The following BNC1 variants were observed in gnomAD, a reference collection of about 807,000 sequenced individuals.
BNC1 encodes the protein zinc finger protein basonuclin-1.
In BNC1, 8 loss-of-function variants were observed where a neutral mutation model predicts 66.5. The observed-to-expected ratio is 0.12, with a 90% CI of 0.07 to 0.22. BNC1 has a LOEUF of 0.22. Ranked by LOEUF, BNC1 falls within the 10% of genes least tolerant of loss-of-function variation. The pLI is 1.00. For missense variants in BNC1, 1,069 were observed against 1,241.3 expected, an observed-to-expected ratio of 0.86 and a Z score of 2.09; for synonymous variants, 454 against 452.6, an observed-to-expected ratio of 1.00 and a Z score of -0.04.
At chr15:83,262,143 G>A (rs1206143552) in intron 4 of BNC1, among the ~76,000 whole-genome samples, 2 of 151,026 alleles carry the variant, frequency 1.3e-5, no homozygotes, top group South Asian at 4.2e-4. Context: ...TGCCTCTCGG[G>A]TTCAAACGTT....
At chr15:83,281,819 T>C (rs1174722682) in intron 1 of BNC1, among the ~76,000 whole-genome samples, 1 of 152,258 alleles carries the variant, frequency 6.6e-6, no homozygotes, top group Non-Finnish European at 1.5e-5. Context: ...GGGAAACCTG[T>C]ATGGCTTTTC....
intron 4 of BNC1, among the ~76,000 whole-genome samples, chr15:83,260,911 T>A (rs562078568): frequency 6.6e-6 from 1 of 152,336 alleles, no homozygotes; most frequent in South Asian, 2.1e-4. Context: ...CTAGGTAAAA[T>A]GCATTTCAAG....
chr15:83,258,233 A>G (rs1361065633), intron 4 of BNC1, 107 bp from the exon 5 acceptor site: 1 of 1,174,646 alleles, frequency 8.5e-7, no homozygotes, highest in Non-Finnish European at 1.2e-6. Context: ...GTGGTATGGG[A>G]GCACCGATGA....
At position 83,263,039 on chromosome 15, in the gene BNC1, G is replaced by C. The variant is rs1221463112; in HGVS notation, c.2212C>G (p.His738Asp). 6.2e-7 allele frequency: 1 copy of C among 1,614,100 alleles called. No homozygotes were observed. The highest frequency in any genetic ancestry group is 8.5e-7 in the Non-Finnish European group (1 of 1,180,040). The change falls in exon 4 of 5, where the codon CAT (histidine) becomes GAT (aspartate). Residue 738 changes from histidine (H) to aspartate (D), a missense_variant. His to Asp is a moderately conservative substitution (Grantham distance 81). Transcript: ENST00000345382. ...TCTTTGACATGCATATTCTTGTGATGAATTTTCACACTACAAGCATTTTTA... is the reference window on the plus strand; with the variant it reads ...TCTTTGACATGCATATTCTTGTGATCAATTTTCACACTACAAGCATTTTTA... Reference protein sequence around the residue: ...TFKNACSVKIHHKNMHVKEMH... With the variant: ...TFKNACSVKIDHKNMHVKEMH...
In BNC1 at chr15:83,264,278, A is replaced by G. The variant is rs2038188678; in HGVS notation, c.973T>C (p.Ser325Pro). The G allele has an allele frequency of 6.2e-7, 1 of 1,614,104 alleles. No homozygotes were observed. ...TCAAACTTAGTGACAATGTTGTATG[A>G]GCTGGAGTCACTTAAATGGGTGCTG... ...EDSTHLSDSS[S>P]YNIVTKFERT... The change falls in exon 4 of 5, where the codon TCA becomes CCA. Residue 325 changes from serine (S) to proline (P), a missense_variant. Physicochemically the swap from Ser to Pro is moderately conservative, Grantham distance 74 (BLOSUM62 -1). Coordinates refer to ENST00000345382, the MANE Select transcript of BNC1 (RefSeq NM_001717.4).
intron 4 of BNC1, among the ~76,000 whole-genome samples, chr15:83,262,712 AT>A (rs1207807532): frequency 3.9e-5 from 6 of 152,184 alleles, no homozygotes; most frequent in Non-Finnish European, 5.9e-5. Context: ...GAATGTTGAA[AT>A]ATGAAAATTC....
chr15:83,266,755 G>C lies in BNC1; in HGVS notation c.435+81C>G, dbSNP rs941292543. ...ATGGCCACCAAGGGCTGTAGCATTG[G>C]GAGGTAACTGGGTTACGTCAGTTAT... On this transcript the variant is annotated intron_variant, in intron 3 of 4. Coordinates refer to ENST00000345382, the MANE Select transcript of BNC1 (RefSeq NM_001717.4). 5.8e-6 allele frequency: 7 copies of C among 1,208,706 alleles called. No homozygotes were observed. In the African/African-American group the frequency reaches 1.0e-4, roughly 18 times the overall value. 74.9% of individuals were successfully genotyped at this position (1,208,706 alleles called of 1,614,324 possible).
In BNC1 at chr15:83,264,789, G is replaced by A. The variant is rs764457363; in HGVS notation, c.462C>T (p.His154=). The change falls in exon 4 of 5, where the codon CAC becomes CAT. Residue 154 remains histidine, a synonymous_variant. Transcript: ENST00000345382. ...LQDASGKVLD[H]WSIMTSEEEV... ...CTTCCTCACTGGTCATGATGCTCCA[G>A]TGATCCAACACCTTTCCTGATGCAT... 6.2e-7 allele frequency: 1 copy of A among 1,613,948 alleles called. No homozygotes were observed. Among genetic ancestry groups the A allele is most frequent in the African/African-American group, 1.3e-5 (1 of 74,920 alleles).
At chr15:83,284,490 C>T in intron 1 of BNC1, 40 bp downstream of exon 1, 1 of 1,184,774 alleles carries the variant, frequency 8.4e-7, no homozygotes, top group Non-Finnish European at 1.1e-6. Context: ...CTGCTCCGCG[C>T]ACAGAGAATC....
intron 1 of BNC1, among the ~76,000 whole-genome samples, chr15:83,276,481 T>C (rs2038325073): frequency 6.6e-6 from 1 of 152,234 alleles, no homozygotes; most frequent in East Asian, 1.9e-4. Flanking sequence ...TGATTATTAA[T>C]CTTTTTCCCC....
At position 83,264,057 on chromosome 15, in the gene BNC1, G is replaced by C; in HGVS notation, c.1194C>G (p.Ser398=). 1 of 1,614,176 alleles carries C rather than the reference G, an allele frequency of 6.2e-7. No individual in the cohort carries two copies. Among genetic ancestry groups the C allele is most frequent in the South Asian group, 1.1e-5 (1 of 91,072 alleles). The change falls in exon 4 of 5, where the codon TCC becomes TCG. Residue 398 remains serine (S), a synonymous_variant. Coordinates refer to ENST00000345382, the MANE Select transcript of BNC1 (RefSeq NM_001717.4). ...TIEGCNMVFS[S]LRSRNRHSAN... is the part of the protein sequence containing the mutation. ...CGCTATGGCGATTCCGGCTCCTTAGGGAGCTGAACACCATGTTACACCCTT... is the reference window on the plus strand; with the variant it reads ...CGCTATGGCGATTCCGGCTCCTTAGCGAGCTGAACACCATGTTACACCCTT...
At chr15:83,276,111 T>G (rs2038320257) in intron 1 of BNC1, among the ~76,000 whole-genome samples, 2 of 152,130 alleles carry the variant, frequency 1.3e-5, no homozygotes, top group Admixed American at 1.3e-4. Flanking sequence ...GCTGGAAACC[T>G]ACTCCTGCCT....
At chr15:83,284,054 G>A (rs2038414792) in intron 1 of BNC1, among the ~76,000 whole-genome samples, 1 of 151,532 alleles carries the variant, frequency 6.6e-6, no homozygotes, top group South Asian at 2.1e-4. Context: ...CGGAGAGAAA[G>A]ACGGCCAGTG....
chr15:83,283,736 G>A (rs575879400), intron 1 of BNC1, among the ~76,000 whole-genome samples: 3 of 152,328 alleles, frequency 2.0e-5, no homozygotes, highest in African/African-American at 4.8e-5. Context: ...CTGAAAGACG[G>A]GCCACCTCGC....
chr15:83,283,446 C>G, intron 1 of BNC1: 1 of 1,231,464 alleles, frequency 8.1e-7, no homozygotes, highest in Non-Finnish European at 1.0e-6. Flanking sequence ...CGGCTCCCAG[C>G]ACGGAACCGA....
chr15:83,284,010 T>C (rs2038414215), intron 1 of BNC1, among the ~76,000 whole-genome samples: 2 of 151,620 alleles, frequency 1.3e-5, no homozygotes, highest in African/African-American at 4.9e-5. Context: ...GACCGGAGGC[T>C]GCCGCGCGCC....
chr15:83,263,513 A>C lies in BNC1; in HGVS notation c.1738T>G (p.Cys580Gly), dbSNP rs759185971. 1.2e-6 allele frequency: 2 copies of C among 1,614,274 alleles called. No individual in the cohort carries two copies. Among genetic ancestry groups the C allele is most frequent in the Admixed American group, 1.7e-5 (1 of 60,038 alleles). The change falls in exon 4 of 5, where the codon TGC becomes GGC. Residue 580 changes from cysteine to glycine, a missense_variant. Cys to Gly is a radical substitution (Grantham distance 159, BLOSUM62 -3). Around this residue, in one of 7 missense-constraint regions of BNC1, gnomAD observed 657 missense variants for 715.8 expected, o/e 0.92. Transcript: ENST00000345382. Reference protein sequence around the residue: ...QVVSEDEQEACSPQSHRVSEE... With the variant: ...QVVSEDEQEAGSPQSHRVSEE... Reference sequence around the variant, plus strand: ...GATACTCTGTGTGACTGAGGACTGCAGGCCTCCTGCTCATCTTCACTGACC... The same window carrying C: ...GATACTCTGTGTGACTGAGGACTGCCGGCCTCCTGCTCATCTTCACTGACC...
chr15:83,283,384 G>T, intron 1 of BNC1: 2 of 1,354,900 alleles, frequency 1.5e-6, no homozygotes, highest in Non-Finnish European at 1.9e-6. Context: ...GGGAGACCCC[G>T]CAGCGGCCTC....
At chr15:83,269,650 T>C (rs114715966) in intron 1 of BNC1, among the ~76,000 whole-genome samples, 4,133 of 152,238 alleles carry the variant, frequency 0.027, 182 homozygotes, top group African/African-American at 0.094. Flanking sequence ...GTACAGCCAC[T>C]TTGGAAAACA....
Sources: allele counts gnomAD v4.1 joint callset (sites outside exome capture counted in the v4.1 genomes callset), GRCh38; gene constraint gnomAD v4.1.1; regional missense constraint gnomAD v4.1.1; transcripts MANE v1.5; gene names NCBI Gene and HGNC (gene_info 2026-07-23, HGNC 2026-07-21).